Variants in DPCD observed in about 807,000 individuals in gnomAD.
DPCD encodes protein DPCD.
Under a neutral mutation model 26.4 loss-of-function variants are expected in DPCD, and 20 were observed. That is an observed-to-expected ratio of 0.76 (90% CI 0.53 to 1.10). DPCD has a LOEUF of 1.10. DPCD is among the 50% of genes least tolerant of loss of function. The pLI is 0.00. For synonymous variants in DPCD, 97 were observed against 94.2 expected, an observed-to-expected ratio of 1.03 and a Z score of -0.17; for missense variants, 202 against 253.9, an observed-to-expected ratio of 0.80 and a Z score of 1.39.
rs1050974637 is a variant in DPCD, at chr10:101,609,488, A to G, written c.*17A>G. The G allele has an allele frequency of 1.2e-6, 2 of 1,610,810 alleles. No homozygotes were observed. Among genetic ancestry groups the G allele is most frequent in the African/African-American group, 2.7e-5 (2 of 74,878 alleles). ...ACCCAGTAGTTGGCCCCTGAGCCTTATACCTCCACCACAGGGGGTGCCGTG... is the reference window on the plus strand; with the variant it reads ...ACCCAGTAGTTGGCCCCTGAGCCTTGTACCTCCACCACAGGGGGTGCCGTG... On this transcript the variant is annotated 3_prime_UTR_variant, in exon 6 of 6. Coordinates refer to ENST00000370151, the MANE Select transcript of DPCD (RefSeq NM_015448.3).
intron 4 of DPCD, among the ~76,000 whole-genome samples, chr10:101,607,347 C>T (rs747116515): frequency 6.6e-6 from 1 of 152,242 alleles, no homozygotes; most frequent in Non-Finnish European, 1.5e-5. Context: ...GCAGGCATTC[C>T]ATCCCCGGTT....
rs199517309 is a variant in DPCD at position 101,601,378 on chromosome 10, G to A, written c.404+42G>A. 4.2e-5 allele frequency: 68 copies of A among 1,609,298 alleles called. No individual in the cohort carries two copies. The Middle Eastern group carries it at 5.0e-4, about 12-fold the overall frequency. ...GCACCCTGTGTGCTTGTGTATGAGC[G>A]GGGTGTAGGGTGGGGTTTGATCTGG... On this transcript the variant is annotated intron_variant, in intron 4 of 5. Transcript: ENST00000370151.
chr10:101,606,996 C>T (rs1191929895), intron 4 of DPCD, among the ~76,000 whole-genome samples: 1 of 152,148 alleles, frequency 6.6e-6, no homozygotes, highest in Non-Finnish European at 1.5e-5. Context: ...ATTCCTCTTG[C>T]CTGGTGGTAG....
At chr10:101,594,568 C>A in intron 1 of DPCD, 90 bp from the exon 2 acceptor site, 1 of 1,334,208 alleles carries the variant, frequency 7.5e-7, no homozygotes, top group Non-Finnish European at 1.1e-6. Flanking sequence ...ACTCCCAAGG[C>A]TGGCACTGTT....
chr10:101,588,712 C>G, intron 1 of DPCD: 1 of 1,081,250 alleles, frequency 9.2e-7, no homozygotes, highest in Non-Finnish European at 1.1e-6. Flanking sequence ...ATTTTCACCC[C>G]GTTTTACAGA....
chr10:101,600,888 G>C lies in DPCD; in HGVS notation c.270+26G>C. 6.2e-7 allele frequency: 1 copy of C among 1,613,742 alleles called. No homozygotes were observed. The highest frequency in any genetic ancestry group is 8.5e-7 in the Non-Finnish European group (1 of 1,179,922). ...GTACGTCCATCTGTCCAGGTGTCTT[G>C]CACGGACTGAGGTGGGGGTGGGCTG... On this transcript the variant is annotated intron_variant, in intron 3 of 5. Transcript: ENST00000370151. This position sits in a 1 kb window ranked among gnomAD's most constrained non-coding sequence, Gnocchi z 4.7.
chr10:101,608,874 C>G lies in DPCD; in HGVS notation c.444C>G (p.His148Gln). The change falls in exon 5 of 6, where the codon CAC becomes CAG. Residue 148 changes from histidine (H) to glutamine (Q), a missense_variant. By Grantham distance (24) the His-to-Gln change is conservative. Around this residue, in one of 3 missense-constraint regions of DPCD, gnomAD observed 118 missense variants for 145.1 expected, o/e 0.81. Transcript: ENST00000370151. ...KKFSIPDLDRHQLPLDDALLS... is the reference protein window; with the variant it reads ...KKFSIPDLDRQQLPLDDALLS... ...TCTCCATTCCTGATCTAGATAGACACCAGCTACCTCTGGATGACGCCTTGC... is the reference window on the plus strand; with the variant it reads ...TCTCCATTCCTGATCTAGATAGACAGCAGCTACCTCTGGATGACGCCTTGC... The G allele has an allele frequency of 1.9e-6, 3 of 1,613,830 alleles. No individual in the cohort carries two copies. The highest frequency in any genetic ancestry group is 2.5e-6 in the Non-Finnish European group (3 of 1,179,926).
chr10:101,600,286 G>A lies in DPCD; in HGVS notation c.146-452G>A, dbSNP rs929384513. On this transcript the variant is annotated intron_variant, in intron 2 of 5. Coordinates refer to ENST00000370151, the MANE Select transcript of DPCD (RefSeq NM_015448.3). This position sits in a 1 kb window ranked among gnomAD's most constrained non-coding sequence, Gnocchi z 4.7. ...TTCTGAATCATGATACAGACCTGCC[G>A]AACAGCTTTCACCCTCTTAATTATT... is the stretch of plus-strand genomic sequence containing the variant. Among the ~76,000 whole-genome samples the A allele has an allele frequency of 4.6e-5, 7 of 151,986 alleles. No individual in the cohort carries two copies. The highest frequency in any genetic ancestry group is 1.2e-4 in the African/African-American group (5 of 41,370).
rs2063759160 is a variant in DPCD, at chr10:101,609,437, C to T, written c.578C>T (p.Ala193Val). Residue 193 changes from alanine to valine, a missense_variant, in exon 6 of 6, where the codon GCC becomes GTC. This residue lies in a region of DPCD where 118 missense variants were observed against 145.1 expected (regional missense o/e 0.81). Coordinates refer to ENST00000370151, the MANE Select transcript of DPCD (RefSeq NM_015448.3). ...LQKELKKVKT[A>V]HSNDGDCKTQ Reference sequence around the variant, plus strand: ...AAGGAACTAAAGAAGGTGAAGACAGCCCACAGCAACGATGGGGACTGCAAG... The same window carrying T: ...AAGGAACTAAAGAAGGTGAAGACAGTCCACAGCAACGATGGGGACTGCAAG... 6.2e-7 allele frequency: 1 copy of T among 1,614,060 alleles called. No homozygotes were observed. The highest frequency in any genetic ancestry group is 8.5e-7 in the Non-Finnish European group (1 of 1,179,998).
At chr10:101,596,234 A>G (rs2063650942) in intron 2 of DPCD, among the ~76,000 whole-genome samples, 1 of 151,910 alleles carries the variant, frequency 6.6e-6, no homozygotes. Context: ...AAAAGCAGAA[A>G]TGGAGAAGAC....
At chr10:101,608,231 T>C (rs2063746470) in intron 4 of DPCD, among the ~76,000 whole-genome samples, 1 of 152,176 alleles carries the variant, frequency 6.6e-6, no homozygotes, top group African/African-American at 2.4e-5. Context: ...AGGTCCAGCT[T>C]CCGTGATGAG....
At chr10:101,607,306 C>T (rs1236804450) in intron 4 of DPCD, among the ~76,000 whole-genome samples, 1 of 152,220 alleles carries the variant, frequency 6.6e-6, no homozygotes, top group Non-Finnish European at 1.5e-5. Flanking sequence ...AGGAAGAGCC[C>T]TCAGCCTGAG....
intron 1 of DPCD, among the ~76,000 whole-genome samples, chr10:101,589,843 CA>C (rs1237582285): frequency 6.6e-6 from 1 of 152,132 alleles, no homozygotes; most frequent in Non-Finnish European, 1.5e-5. Flanking sequence ...GAGATCACAC[CA>C]CTGCATTCCA....
intron 1 of DPCD, among the ~76,000 whole-genome samples, chr10:101,591,690 T>C (rs995447149): frequency 1.3e-5 from 2 of 149,348 alleles, no homozygotes; most frequent in African/African-American, 4.9e-5. Context: ...CATAATTTAC[T>C]TTTTTTTTTG....
chr10:101,598,916 G>A (rs762401063), intron 2 of DPCD, among the ~76,000 whole-genome samples: 6 of 152,100 alleles, frequency 3.9e-5, no homozygotes, highest in South Asian at 2.1e-4. Context: ...CACCACGCCC[G>A]GCCTGGAGTA....
intron 1 of DPCD, among the ~76,000 whole-genome samples, chr10:101,591,742 C>T (rs1188478243): frequency 6.6e-6 from 1 of 151,914 alleles, no homozygotes; most frequent in Non-Finnish European, 1.5e-5. Flanking sequence ...AGTGCAATGG[C>T]GCAATCTCGG....
chr10:101,593,132 C>G (rs1429996842), intron 1 of DPCD, among the ~76,000 whole-genome samples: 1 of 152,138 alleles, frequency 6.6e-6, no homozygotes, highest in Non-Finnish European at 1.5e-5. Flanking sequence ...AGCGCTGCAT[C>G]CTGCCTGGAC....
chr10:101,608,177 TA>T (rs1312770903), intron 4 of DPCD, among the ~76,000 whole-genome samples: 1 of 152,146 alleles, frequency 6.6e-6, no homozygotes, highest in Non-Finnish European at 1.5e-5. Flanking sequence ...GTGTGATATG[TA>T]AAAATGGAGG....
chr10:101,599,107 G>A (rs907237065), intron 2 of DPCD, among the ~76,000 whole-genome samples: 11 of 152,224 alleles, frequency 7.2e-5, no homozygotes, highest in African/African-American at 2.6e-4. Flanking sequence ...CAATATGCCT[G>A]AGAAAAAAAG....
Sources: gnomAD v4.1 joint callset for allele counts (sites outside exome capture counted in the v4.1 genomes callset) on GRCh38, gnomAD v4.1.1 for gene constraint, gnomAD v4.1.1 regional missense constraint, Gnocchi (gnomAD v3.1) non-coding constraint, MANE v1.5 for transcripts, NCBI Gene and HGNC (gene_info 2026-07-23, HGNC 2026-07-21) for gene names.